Variants in KLHL32 observed in about 807,000 individuals in gnomAD.
KLHL32 encodes the protein kelch like family member 32.
KLHL32 carries 35 observed loss-of-function variants against 64.8 expected under a neutral mutation model. That is an observed-to-expected ratio of 0.54 (90% CI 0.41 to 0.72). The LOEUF is 0.72. KLHL32 is among the 30% of genes least tolerant of loss of function. The pLI is 0.00. For synonymous variants in KLHL32, 259 were observed against 281.0 expected (o/e 0.92, Z 0.78); for missense variants, 589 against 768.5 (o/e 0.77, Z 2.76).
At chr6:97,038,308 C>T (rs899637593) in intron 3 of KLHL32, among the ~76,000 whole-genome samples, 5 of 150,848 alleles carry the variant, frequency 3.3e-5, no homozygotes, top group Admixed American at 2.6e-4. Flanking sequence ...ATATAAGAAA[C>T]TCAAACAGTT....
rs1777612079 is a variant in KLHL32, at chr6:96,989,678, A to G, written c.204+13501A>G. Among the ~76,000 whole-genome samples the G allele has an allele frequency of 2.6e-5, 4 of 152,108 alleles. No individual in the cohort carries two copies. The South Asian group carries it at 8.3e-4, about 32-fold the overall frequency. ...GAAACTTGGGAAATTTTTCTGGATA[A>G]TATCCTCAAATATGTTTTCCAAGTT... On this transcript the variant is annotated intron_variant, in intron 3 of 10. Transcript: ENST00000369261.
chr6:96,978,227 A>G (rs148200062), intron 3 of KLHL32, among the ~76,000 whole-genome samples: 36 of 152,206 alleles, frequency 2.4e-4, no homozygotes, highest in African/African-American at 8.2e-4. Flanking sequence ...TGGTGTACAG[A>G]TTATTTCATC....
chr6:97,130,748 T>C lies in KLHL32; in HGVS notation c.1414-9T>C. The C allele has an allele frequency of 6.3e-7, 1 of 1,596,320 alleles. No individual in the cohort carries two copies. The highest frequency in any genetic ancestry group is 8.5e-7 in the Non-Finnish European group (1 of 1,171,654). On this transcript the variant is annotated splice_polypyrimidine_tract_variant and intron_variant, in intron 8 of 10. Transcript: ENST00000369261. ...TACTAACAGAATACACTTAAATTTCTTTTTTCAGAATAAGTGGATAAGCCG... is the reference window on the plus strand; with the variant it reads ...TACTAACAGAATACACTTAAATTTCCTTTTTCAGAATAAGTGGATAAGCCG...
At chr6:97,044,251 T>C (rs1473121615) in intron 4 of KLHL32, among the ~76,000 whole-genome samples, 1 of 152,142 alleles carries the variant, frequency 6.6e-6, no homozygotes, top group East Asian at 1.9e-4. Context: ...CAGATGATCG[T>C]ATGGTTGTTA....
chr6:97,032,686 G>GA (rs56151402), intron 3 of KLHL32, among the ~76,000 whole-genome samples: 1 of 151,898 alleles, frequency 6.6e-6, no homozygotes, highest in African/African-American at 2.4e-5. Context: ...TGGAAGATCT[G>GA]AAAAAAGAAC....
chr6:97,106,930 A>C (rs1366486168), intron 6 of KLHL32, among the ~76,000 whole-genome samples: 1 of 152,162 alleles, frequency 6.6e-6, no homozygotes, highest in Non-Finnish European at 1.5e-5. Context: ...AAATACTACC[A>C]ACCTATTTTG....
At chr6:97,053,908 A>G (rs1766469) in intron 4 of KLHL32, among the ~76,000 whole-genome samples, 23,173 of 152,118 alleles carry the variant, frequency 0.15, 1,917 homozygotes, top group African/African-American at 0.22. Context: ...TAGACTACAC[A>G]TAATGTATGC....
At chr6:97,008,478 A>G (rs151129610) in intron 3 of KLHL32, among the ~76,000 whole-genome samples, 7,033 of 152,146 alleles carry the variant, frequency 0.046, 224 homozygotes, top group Middle Eastern at 0.071. Flanking sequence ...AATGTCTCCT[A>G]GAGGAGCGTA....
At chr6:97,067,226 G>GA (rs915832075) in intron 5 of KLHL32, among the ~76,000 whole-genome samples, 15 of 152,260 alleles carry the variant, frequency 9.9e-5, no homozygotes, top group Admixed American at 3.9e-4. Flanking sequence ...CTGCCCTCCT[G>GA]AAAAGGAAAG....
Position 97,114,347 on chromosome 6 carries a change from G to A in KLHL32, c.1192G>A (p.Glu398Lys), listed in dbSNP as rs139794231. 1 of 1,614,186 alleles carries A rather than the reference G, an allele frequency of 6.2e-7. No homozygotes were observed. The highest frequency in any genetic ancestry group is 8.5e-7 in the Non-Finnish European group (1 of 1,180,032). ...REHFVLGAME[E>K]YLYAVGGRNE... ...GCATTTTGTGCTGGGTGCCATGGAG[G>A]AATACCTCTATGCAGTTGGGGGCAG... The change falls in exon 7 of 11, where the codon GAA becomes AAA. Residue 398 changes from glutamate to lysine, a missense_variant. By Grantham distance (56) the Glu-to-Lys change is moderately conservative. Coordinates refer to ENST00000369261, the MANE Select transcript of KLHL32 (RefSeq NM_052904.4).
rs565514367 is a variant in KLHL32, at chr6:97,130,607, A to T, written c.1414-150A>T. 49 of 566,642 alleles carry T rather than the reference A, an allele frequency of 8.6e-5. No individual in the cohort carries two copies. The African/African-American group carries it at 8.8e-4, about 10-fold the overall frequency. The allele number at this position is 566,642 out of a possible 1,614,324, so 35.1% of individuals were successfully genotyped here. A position where few individuals can be genotyped will look rare whatever the true frequency, so the allele number is the denominator to read the frequency against. ...ACTTGTTCTCATGTAAGAAGCCCATACCTTTCAATATATATAAACAACATT... is the reference window on the plus strand; with the variant it reads ...ACTTGTTCTCATGTAAGAAGCCCATTCCTTTCAATATATATAAACAACATT... On this transcript the variant is annotated intron_variant, in intron 8 of 10. Coordinates refer to ENST00000369261, the MANE Select transcript of KLHL32 (RefSeq NM_052904.4).
At chr6:96,963,165 TG>T (rs1217003293) in intron 1 of KLHL32, among the ~76,000 whole-genome samples, 1 of 152,092 alleles carries the variant, frequency 6.6e-6, no homozygotes, top group East Asian at 1.9e-4. Context: ...CAGATACATG[TG>T]GGGGCACCCA....
At chr6:96,981,788 C>G (rs1776344162) in intron 3 of KLHL32, among the ~76,000 whole-genome samples, 1 of 152,088 alleles carries the variant, frequency 6.6e-6, no homozygotes, top group Non-Finnish European at 1.5e-5. Context: ...TTTTTGACTT[C>G]TACCTTAATT....
intron 1 of KLHL32, among the ~76,000 whole-genome samples, chr6:96,959,624 C>A (rs1239446879): frequency 6.6e-6 from 1 of 152,206 alleles, no homozygotes; most frequent in Non-Finnish European, 1.5e-5. Context: ...AAATCTCCAA[C>A]ACAGTCACAT....
At chr6:97,042,330 C>T (rs1346004329) in intron 4 of KLHL32, among the ~76,000 whole-genome samples, 1 of 152,152 alleles carries the variant, frequency 6.6e-6, no homozygotes, top group Non-Finnish European at 1.5e-5. Context: ...AAAATCCTCA[C>T]TGGTATTGGA....
At chr6:97,075,439 T>A (rs1304186697) in intron 5 of KLHL32, among the ~76,000 whole-genome samples, 1 of 152,214 alleles carries the variant, frequency 6.6e-6, no homozygotes, top group Non-Finnish European at 1.5e-5. Context: ...CTGGCCTGCA[T>A]TGTCAATGAA....
intron 3 of KLHL32, chr6:97,025,143 A>G (rs1782539645): frequency 4.1e-6 from 4 of 979,710 alleles, no homozygotes; most frequent in Non-Finnish European, 4.9e-6. Context: ...TGTGAGCCTG[A>G]TGAATTGGTA....
intron 7 of KLHL32, among the ~76,000 whole-genome samples, chr6:97,124,506 A>C (rs1043456138): frequency 6.6e-6 from 1 of 152,190 alleles, no homozygotes; most frequent in Non-Finnish European, 1.5e-5. Context: ...GAGGGGATGT[A>C]ATAGCTACAT....
chr6:97,117,103 A>G (rs1797875885), intron 7 of KLHL32, among the ~76,000 whole-genome samples: 2 of 152,260 alleles, frequency 1.3e-5, no homozygotes, highest in African/African-American at 2.4e-5. Context: ...TAATAAATCA[A>G]TTGTGAATCT....
Sources: allele counts gnomAD v4.1 joint callset (sites outside exome capture counted in the v4.1 genomes callset), GRCh38; gene constraint gnomAD v4.1.1; transcripts MANE v1.5; gene names NCBI Gene and HGNC (gene_info 2026-07-23, HGNC 2026-07-21).